Variants in CADM2 observed in about 807,000 individuals in gnomAD.
The protein encoded by CADM2 is immunoglobulin superfamily member 4D.
CADM2 carries 12 observed loss-of-function variants against 49.8 expected under a neutral mutation model. That is an observed-to-expected ratio of 0.24 (90% CI 0.15 to 0.39). The LOEUF is 0.39. Ranked by LOEUF, CADM2 falls within the 10% of genes least tolerant of loss-of-function variation. The pLI is 1.00. For missense variants in CADM2, 378 were observed against 492.3 expected, an observed-to-expected ratio of 0.77 and a Z score of 2.20; for synonymous variants, 214 against 175.4, an observed-to-expected ratio of 1.22 and a Z score of -1.74.
chr3:85,558,992 T>C (rs1019998118), intron 1 of CADM2, among the ~76,000 whole-genome samples: 4 of 152,116 alleles, frequency 2.6e-5, no homozygotes, highest in African/African-American at 9.6e-5. Context: ...CGTATGCATT[T>C]GATTATATGA....
At chr3:86,066,027 T>A (rs981182813) in intron 9 of CADM2, among the ~76,000 whole-genome samples, 7 of 152,088 alleles carry the variant, frequency 4.6e-5, no homozygotes, top group African/African-American at 1.7e-4. Context: ...GAAATCCAAC[T>A]ATAACTATTT....
intron 1 of CADM2, among the ~76,000 whole-genome samples, chr3:84,997,532 T>C (rs2033243215): frequency 1.3e-5 from 2 of 152,064 alleles, no homozygotes; most frequent in East Asian, 1.9e-4. Context: ...CTATTTCTTA[T>C]GAAAATAGGA....
chr3:85,115,123 A>C (rs184884129), intron 1 of CADM2, among the ~76,000 whole-genome samples: 1 of 152,282 alleles, frequency 6.6e-6, no homozygotes, highest in East Asian at 1.9e-4. Flanking sequence ...ACTTCTTATA[A>C]ATTTCTACTC....
intron 1 of CADM2, among the ~76,000 whole-genome samples, chr3:85,296,489 A>G (rs1366637640): frequency 6.6e-6 from 1 of 151,946 alleles, no homozygotes; most frequent in Non-Finnish European, 1.5e-5. Context: ...GTACTTGTAT[A>G]GTAACATGTT....
At chr3:85,971,918 T>C (rs1244929085) in intron 8 of CADM2, among the ~76,000 whole-genome samples, 1 of 151,730 alleles carries the variant, frequency 6.6e-6, no homozygotes, top group Non-Finnish European at 1.5e-5. Flanking sequence ...CAGCTTTTTT[T>C]TTCTTGTATA....
At chr3:85,144,105 T>C (rs1047364751) in intron 1 of CADM2, among the ~76,000 whole-genome samples, 3 of 152,120 alleles carry the variant, frequency 2.0e-5, no homozygotes, top group Non-Finnish European at 4.4e-5. Flanking sequence ...ACCAAAAACG[T>C]TGTAGGCTCT....
At chr3:85,279,540 A>C (rs2106881567) in intron 1 of CADM2, among the ~76,000 whole-genome samples, 1 of 151,616 alleles carries the variant, frequency 6.6e-6, no homozygotes, top group South Asian at 2.1e-4. Flanking sequence ...TCCTGCAGAA[A>C]TATTTCTTTA....
chr3:85,369,559 C>A (rs544701484), intron 1 of CADM2, among the ~76,000 whole-genome samples: 45 of 152,150 alleles, frequency 3.0e-4, no homozygotes, highest in Middle Eastern at 3.4e-3. Flanking sequence ...CACCTGAGGT[C>A]GGGAGTTCGA....
At chr3:85,430,400 C>A (rs2036605122) in intron 1 of CADM2, among the ~76,000 whole-genome samples, 1 of 152,006 alleles carries the variant, frequency 6.6e-6, no homozygotes, top group Admixed American at 6.6e-5. Flanking sequence ...TGCCTGTAAG[C>A]CCAGTGCTTT....
chr3:86,061,297 A>T (rs1417003443), intron 8 of CADM2, among the ~76,000 whole-genome samples: 2 of 152,076 alleles, frequency 1.3e-5, no homozygotes, highest in Non-Finnish European at 2.9e-5. Flanking sequence ...TGTTTTTAGA[A>T]GTCCTTCAAC....
At chr3:85,770,608 T>G (rs2070031287) in intron 2 of CADM2, among the ~76,000 whole-genome samples, 1 of 152,138 alleles carries the variant, frequency 6.6e-6, no homozygotes, top group Non-Finnish European at 1.5e-5. Context: ...TGCAATGATG[T>G]TATATGATAG....
intron 1 of CADM2, among the ~76,000 whole-genome samples, chr3:85,309,282 A>G (rs551565592): frequency 9.2e-5 from 14 of 152,270 alleles, no homozygotes; most frequent in South Asian, 6.2e-4. Flanking sequence ...CTAATTTTAT[A>G]TGGTAGCAAA....
At chr3:85,421,198 T>C (rs985805128) in intron 1 of CADM2, among the ~76,000 whole-genome samples, 1 of 152,182 alleles carries the variant, frequency 6.6e-6, no homozygotes, top group Non-Finnish European at 1.5e-5. Context: ...TGGATTTTAC[T>C]TCCTGGAGGT....
intron 7 of CADM2, among the ~76,000 whole-genome samples, chr3:85,951,409 C>T (rs1315170850): frequency 6.6e-6 from 1 of 151,050 alleles, no homozygotes; most frequent in Non-Finnish European, 1.5e-5. Context: ...ATTCAATCCT[C>T]TCCTTCCATT....
Position 86,013,039 on chromosome 3 carries a change from C to T in CADM2, c.970+51392C>T. ...CGATTATGTGCCAAACATGAGACCTCTATGATCTGTAGAACTAGTCCTTAT... is the reference window on the plus strand; with the variant it reads ...CGATTATGTGCCAAACATGAGACCTTTATGATCTGTAGAACTAGTCCTTAT... On this transcript the variant is annotated intron_variant, in intron 8 of 9. Coordinates refer to ENST00000383699, the MANE Select transcript of CADM2 (RefSeq NM_001167675.2). 5.4e-6 allele frequency: 6 copies of T among 1,117,682 alleles called. No individual in the cohort carries two copies. In the South Asian group the frequency reaches 6.2e-5, roughly 11 times the overall value. The allele number at this position is 1,117,682 out of a possible 1,614,324, so 69.2% of individuals were successfully genotyped here. A position where few individuals can be genotyped will look rare whatever the true frequency, so the allele number is the denominator to read the frequency against.
chr3:85,153,004 C>T (rs978981426), intron 1 of CADM2, among the ~76,000 whole-genome samples: 2 of 151,200 alleles, frequency 1.3e-5, no homozygotes, highest in Non-Finnish European at 1.5e-5. Flanking sequence ...TTTCAATTGG[C>T]AATATGAAGA....
intron 1 of CADM2, among the ~76,000 whole-genome samples, chr3:85,603,524 T>G (rs1320019418): frequency 1.3e-5 from 2 of 151,948 alleles, no homozygotes; most frequent in African/African-American, 4.8e-5. Context: ...GGAACTTGCT[T>G]GCTGTTACTG....
intron 1 of CADM2, among the ~76,000 whole-genome samples, chr3:85,580,178 T>A (rs2062755162): frequency 6.6e-6 from 1 of 152,178 alleles, no homozygotes; most frequent in Non-Finnish European, 1.5e-5. Context: ...TATTGACCCA[T>A]TTAATCATTT....
chr3:85,325,020 G>A (rs757348183), intron 1 of CADM2, among the ~76,000 whole-genome samples: 14 of 152,184 alleles, frequency 9.2e-5, no homozygotes, highest in African/African-American at 1.9e-4. Flanking sequence ...AGCTAAGGAG[G>A]TTTTAACTTT....
Sources: allele counts gnomAD v4.1 joint callset (sites outside exome capture counted in the v4.1 genomes callset), GRCh38; gene constraint gnomAD v4.1.1; transcripts MANE v1.5; gene names NCBI Gene and HGNC (gene_info 2026-07-23, HGNC 2026-07-21).